The following BRD4 variants were observed in gnomAD, a reference collection of about 807,000 sequenced individuals.
BRD4 encodes the protein bromodomain containing 4.
Under a neutral mutation model 142.1 loss-of-function variants are expected in BRD4, and 16 were observed. The observed-to-expected ratio is 0.11, with a 90% CI of 0.08 to 0.17. The LOEUF is 0.17. BRD4 is among the 10% of genes least tolerant of loss of function. The pLI, the probability that BRD4 is intolerant of heterozygous loss-of-function variation, is 1.00. For synonymous variants in BRD4, 833 were observed against 707.5 expected (o/e 1.18, Z -2.82); for missense variants, 1,424 against 1,810.9 (o/e 0.79, Z 3.88).
At chr19:15,280,960 T>C (rs1232651953) in intron 1 of BRD4, among the ~76,000 whole-genome samples, 4 of 152,248 alleles carry the variant, frequency 2.6e-5, no homozygotes, top group African/African-American at 7.2e-5. Flanking sequence ...ACAACATCAA[T>C]ATCAGAAGGT....
intron 1 of BRD4, among the ~76,000 whole-genome samples, chr19:15,286,952 C>T (rs1485897282): frequency 6.6e-6 from 1 of 152,202 alleles, no homozygotes; most frequent in Non-Finnish European, 1.5e-5. Context: ...AGGAACTCTG[C>T]TCTGGGGCCA....
chr19:15,243,224 T>G lies in BRD4; in HGVS notation c.2845A>C (p.Lys949Gln). The change falls in exon 14 of 20, where the codon AAG becomes CAG. Residue 949 changes from lysine (K) to glutamine (Q), a missense_variant. Physicochemically the swap from Lys to Gln is moderately conservative, Grantham distance 53 (BLOSUM62 1). Around this residue, in one of 16 missense-constraint regions of BRD4, gnomAD observed 598 missense variants for 647.8 expected, o/e 0.92. Coordinates refer to ENST00000679869, the MANE Select transcript of BRD4 (RefSeq NM_001379291.1). ...QPPTPLLPSV[K>Q]VQSQPPPPLP... Reference sequence around the variant, plus strand: ...GGGGGTGGGGGCTGGGACTGCACCTTCACGGAAGGGAGTAGCGGCGTAGGG... The same window carrying G: ...GGGGGTGGGGGCTGGGACTGCACCTGCACGGAAGGGAGTAGCGGCGTAGGG... 1 of 1,361,790 alleles carries G rather than the reference T, an allele frequency of 7.3e-7. No individual in the cohort carries two copies. Among genetic ancestry groups the G allele is most frequent in the Non-Finnish European group, 9.8e-7 (1 of 1,020,772 alleles). 84.4% of individuals were successfully genotyped at this position (1,361,790 alleles called of 1,614,324 possible).
rs560064756 is a variant in BRD4, at chr19:15,288,694, G to C, written c.-34-15561C>G. Among the ~76,000 whole-genome samples, 677 of 152,350 alleles carry C rather than the reference G, an allele frequency of 4.4e-3. 7 individuals are homozygous for C. The highest frequency in any genetic ancestry group is 0.015 in the African/African-American group (640 of 41,568). ...CACTGCCCAGCAGACACACAGGGCC[G>C]CCGAAGGGAGGAAGTCAACGCCCGA... On this transcript the variant is annotated intron_variant, in intron 1 of 19. Transcript: ENST00000679869.
chr19:15,287,541 G>A (rs1478825034), intron 1 of BRD4, among the ~76,000 whole-genome samples: 1 of 151,948 alleles, frequency 6.6e-6, no homozygotes, highest in Non-Finnish European at 1.5e-5. Context: ...CCACAACTGG[G>A]CGTTTCAGAA....
chr19:15,255,726 G>A (rs1035422370), intron 9 of BRD4, 134 bp from the exon 10 acceptor site: 19 of 1,174,472 alleles, frequency 1.6e-5, no homozygotes, highest in Non-Finnish European at 2.1e-5. Flanking sequence ...ACAGGAAACG[G>A]GGCATGGGCA....
At chr19:15,253,736 G>C (rs1191993411) in intron 11 of BRD4, 2 of 1,598,344 alleles carry the variant, frequency 1.3e-6, no homozygotes, top group Non-Finnish European at 1.7e-6. Flanking sequence ...ACGTGACTGT[G>C]ATACGGGGAA....
chr19:15,285,089 C>T (rs766231917), intron 1 of BRD4, among the ~76,000 whole-genome samples: 6 of 152,196 alleles, frequency 3.9e-5, no homozygotes, highest in Non-Finnish European at 8.8e-5. Flanking sequence ...ACAAGGGAGC[C>T]TTGGATGCAG....
rs1314735288 is a variant in BRD4, at chr19:15,256,044, C to T, written c.1751+20G>A. 3.7e-6 allele frequency: 6 copies of T among 1,609,396 alleles called. No homozygotes were observed. Among genetic ancestry groups the T allele is most frequent in the Non-Finnish European group, 4.2e-6 (5 of 1,179,248 alleles). ...CTGGAAGGAGGGTCCCCACCCAGGACAAATTCAGGGGACACAGACCTCACA... is the reference window on the plus strand; with the variant it reads ...CTGGAAGGAGGGTCCCCACCCAGGATAAATTCAGGGGACACAGACCTCACA... On this transcript the variant is annotated intron_variant, in intron 9 of 19. Coordinates refer to ENST00000679869, the MANE Select transcript of BRD4 (RefSeq NM_001379291.1).
At chr19:15,283,522 A>G (rs1359529595) in intron 1 of BRD4, among the ~76,000 whole-genome samples, 2 of 152,202 alleles carry the variant, frequency 1.3e-5, no homozygotes, top group East Asian at 3.8e-4. Context: ...GGAATTTGGG[A>G]AGCCAAGAGA....
In BRD4 at chr19:15,236,311, AC is replaced by A. The variant is rs1421005666; in HGVS notation, c.*2065del. 6.6e-6 allele frequency: 1 copy of A among 152,186 alleles called. No homozygotes were observed. The highest frequency in any genetic ancestry group is 1.5e-5 in the Non-Finnish European group (1 of 68,054). 9.4% of individuals were successfully genotyped at this position (152,186 alleles called of 1,614,324 possible). A position where few individuals can be genotyped will look rare whatever the true frequency, so the allele number is the denominator to read the frequency against. On this transcript the variant is annotated 3_prime_UTR_variant, in exon 20 of 20. Transcript: ENST00000679869. The stretch of plus-strand genomic sequence containing the variant: ...GGCATGTACATACACAAGTGGACAC[AC>A]AGGCAGAGCAGCCACCTGTGGGCTT...
chr19:15,281,148 C>T (rs1343247921), intron 1 of BRD4, among the ~76,000 whole-genome samples: 2 of 152,236 alleles, frequency 1.3e-5, no homozygotes, highest in Non-Finnish European at 2.9e-5. Context: ...CGCCTGGAGC[C>T]GGGCCAGTGG....
At chr19:15,268,080 T>C (rs1347555166) in intron 3 of BRD4, 1 of 152,714 alleles carries the variant, frequency 6.5e-6, no homozygotes, top group Non-Finnish European at 1.5e-5. Context: ...GAGAGCCTGG[T>C]CTGCACATTT....
chr19:15,325,473 T>C (rs781540527), intron 1 of BRD4, among the ~76,000 whole-genome samples: 1 of 151,556 alleles, frequency 6.6e-6, no homozygotes, highest in Non-Finnish European at 1.5e-5. Context: ...CAGGAGAGGG[T>C]AGAAAAGTCA....
In BRD4 at chr19:15,243,148, GGCTGCTGCTGCAGCT is replaced by G. The variant is rs1568377746; in HGVS notation, c.2906_2920del (p.Gln969_Gln973del). ...GGGCTGGGGTGGTGGGGGTGGTGGCGGCTGCTGCTGCAGCTGCTGCTGCACAGAGGGGTGGGGTGG... is the reference window on the plus strand; with the variant it reads ...GGGCTGGGGTGGTGGGGGTGGTGGCGGCTGCTGCACAGAGGGGTGGGGTGG... On this transcript the variant is annotated inframe_deletion, in exon 14 of 20. Transcript: ENST00000679869. 8.9e-7 allele frequency: 1 copy of G among 1,117,956 alleles called. No individual in the cohort carries two copies. Among genetic ancestry groups the G allele is most frequent in the South Asian group, 1.6e-5 (1 of 64,158 alleles). The allele number at this position is 1,117,956 out of a possible 1,614,324, so 69.3% of individuals were successfully genotyped here. A position where few individuals can be genotyped will look rare whatever the true frequency, so the allele number is the denominator to read the frequency against.
rs546723457 is a variant in BRD4 at position 15,292,867 on chromosome 19, G to C, written c.-34-19734C>G. Among the ~76,000 whole-genome samples, 6 of 148,818 alleles carry C rather than the reference G, an allele frequency of 4.0e-5. No homozygotes were observed. In the South Asian group the frequency reaches 1.1e-3, roughly 27 times the overall value. On this transcript the variant is annotated intron_variant, in intron 1 of 19. Transcript: ENST00000679869. ...GAAACATCCCCAAACCAAAAGTCTA[G>C]TTTTAGGTCTCACAATTTCGGATGT...
At position 15,237,804 on chromosome 19, in the gene BRD4, G is replaced by A. The variant is rs892907417; in HGVS notation, c.*573C>T. The A allele has an allele frequency of 2.6e-5, 6 of 233,176 alleles. No individual in the cohort carries two copies. Among genetic ancestry groups the A allele is most frequent in the East Asian group, 6.1e-5 (1 of 16,488 alleles). 14.4% of individuals were successfully genotyped at this position (233,176 alleles called of 1,614,324 possible). A position where few individuals can be genotyped will look rare whatever the true frequency, so the allele number is the denominator to read the frequency against. ...GCACAAGCAAACACTTACAGAGAGCGGCTCTCAATTAAAGGCTTGTGGGGG... is the reference window on the plus strand; with the variant it reads ...GCACAAGCAAACACTTACAGAGAGCAGCTCTCAATTAAAGGCTTGTGGGGG... On this transcript the variant is annotated 3_prime_UTR_variant, in exon 20 of 20. Transcript: ENST00000679869.
chr19:15,280,528 C>G, intron 1 of BRD4: 1 of 831,476 alleles, frequency 1.2e-6, no homozygotes, highest in East Asian at 8.6e-5. Context: ...AGATATATCC[C>G]GTGTCATAGG....
At chr19:15,321,904 T>C (rs1456738211) in intron 1 of BRD4, among the ~76,000 whole-genome samples, 2 of 152,056 alleles carry the variant, frequency 1.3e-5, no homozygotes, top group South Asian at 2.1e-4. Context: ...TAAAACACAG[T>C]GGGTACAGGG....
intron 7 of BRD4, among the ~76,000 whole-genome samples, chr19:15,260,957 T>C (rs2047463689): frequency 6.6e-6 from 1 of 152,204 alleles, no homozygotes; most frequent in Non-Finnish European, 1.5e-5. Context: ...TTCTTTTCTT[T>C]CTCTTAGTAA....
Sources: gnomAD v4.1 joint callset for allele counts (sites outside exome capture counted in the v4.1 genomes callset) on GRCh38, gnomAD v4.1.1 for gene constraint, gnomAD v4.1.1 regional missense constraint, MANE v1.5 for transcripts, NCBI Gene and HGNC (gene_info 2026-07-23, HGNC 2026-07-21) for gene names.